The following CLEC16A variants were observed in gnomAD, a reference collection of about 807,000 sequenced individuals.
CLEC16A encodes the protein protein CLEC16A.
In CLEC16A, 51 loss-of-function variants were observed where a neutral mutation model predicts 109.5. That is an observed-to-expected ratio of 0.47 (90% confidence interval 0.37 to 0.59). The LOEUF (loss-of-function observed/expected upper bound fraction) is 0.59, where lower values mean the gene tolerates loss of function less well. Among genes scored for constraint, CLEC16A ranks in the 20% least tolerant of loss-of-function variants. CLEC16A has a pLI of 0.00. For missense variants in CLEC16A, 1,339 were observed against 1,394.0 expected (o/e 0.96, Z 0.63); for synonymous variants, 673 against 564.2 (o/e 1.19, Z -2.73).
chr16:11,122,754 G>A (rs1003188417), intron 20 of CLEC16A, among the ~76,000 whole-genome samples: 1 of 152,040 alleles, frequency 6.6e-6, no homozygotes, highest in African/African-American at 2.4e-5. Context: ...AACCTTCATG[G>A]GAGTAGATTG....
intron 19 of CLEC16A, among the ~76,000 whole-genome samples, chr16:11,081,203 G>C (rs989298752): frequency 1.3e-5 from 2 of 152,224 alleles, no homozygotes; most frequent in African/African-American, 4.8e-5. Context: ...GTGCAGGGTG[G>C]AGGCATGCCC....
intron 22 of CLEC16A, among the ~76,000 whole-genome samples, chr16:11,149,579 C>T (rs370113192): frequency 5.3e-5 from 8 of 152,176 alleles, no homozygotes; most frequent in African/African-American, 1.4e-4. Flanking sequence ...ATTGCCTGAG[C>T]TCAAGAGTTC....
intron 19 of CLEC16A, among the ~76,000 whole-genome samples, chr16:11,079,038 G>A (rs1458710901): frequency 6.6e-5 from 10 of 152,164 alleles, no homozygotes; most frequent in Non-Finnish European, 1.5e-4. Flanking sequence ...AATAGGTTGG[G>A]CCTCCTGGAT....
intron 10 of CLEC16A, among the ~76,000 whole-genome samples, chr16:10,986,819 G>T (rs564325493): frequency 9.9e-5 from 15 of 150,778 alleles, no homozygotes; most frequent in African/African-American, 3.4e-4. Context: ...CCATCATTAT[G>T]CAGTTTTAGT....
At chr16:10,951,483 AGTCCTAGAAGG>A (rs145484573) in intron 1 of CLEC16A, among the ~76,000 whole-genome samples, 20,537 of 152,086 alleles carry the variant, frequency 0.14, 1,351 homozygotes, top group African/African-American at 0.15. Context: ...GCATTTCTGT[AGTCCTAGAAGG>A]GTTGTAATCA....
At position 10,944,706 on chromosome 16, in the gene CLEC16A, G is replaced by C. The variant is rs776005455; in HGVS notation, c.-12G>C. ...GAGACCGTGAGACGAGAGACGGGTC[G>C]GGGCCGCCGACATGTTTGGCCGCTC... is the stretch of plus-strand genomic sequence containing the variant. On this transcript the variant is annotated 5_prime_UTR_variant, in exon 1 of 24. Transcript: ENST00000409790. The C allele has an allele frequency of 8.1e-6, 13 of 1,600,522 alleles. No homozygotes were observed. The South Asian group carries it at 1.2e-4, about 15-fold the overall frequency.
intron 23 of CLEC16A, among the ~76,000 whole-genome samples, chr16:11,167,856 A>C (rs747146192): frequency 6.6e-6 from 1 of 152,188 alleles, no homozygotes; most frequent in Non-Finnish European, 1.5e-5. Context: ...TGTAGCTGGG[A>C]AACTCCAGCA....
intron 22 of CLEC16A, among the ~76,000 whole-genome samples, chr16:11,153,922 G>A (rs7203629): frequency 0.21 from 32,104 of 152,162 alleles, 4,063 homozygotes; most frequent in African/African-American, 0.36. Context: ...AGCCCTTCTG[G>A]TTCCTAATAA....
intron 11 of CLEC16A, among the ~76,000 whole-genome samples, chr16:11,010,613 A>C (rs1048883691): frequency 2.1e-4 from 32 of 152,302 alleles, no homozygotes; most frequent in African/African-American, 7.0e-4. Flanking sequence ...CTGAAGCATC[A>C]TGAGCATTTG....
rs2068931876 is a variant in CLEC16A at position 11,180,794 on chromosome 16, G to A, written c.*2104G>A. Reference sequence around the variant, plus strand: ...GTGGGCCACCAGCCTGCTGTCAGAAGTCTCTGGGCTCCAACTGGTCTTGTA... The same window carrying A: ...GTGGGCCACCAGCCTGCTGTCAGAAATCTCTGGGCTCCAACTGGTCTTGTA... On this transcript the variant is annotated 3_prime_UTR_variant, in exon 24 of 24. Coordinates refer to ENST00000409790, the MANE Select transcript of CLEC16A (RefSeq NM_015226.3). 1 of 152,372 alleles carries A rather than the reference G, an allele frequency of 6.6e-6. No individual in the cohort carries two copies. The highest frequency in any genetic ancestry group is 2.1e-4 in the South Asian group (1 of 4,832). 9.4% of individuals were successfully genotyped at this position (152,372 alleles called of 1,614,324 possible). A position where few individuals can be genotyped will look rare whatever the true frequency, so the allele number is the denominator to read the frequency against.
chr16:11,139,280 A>C (rs956301489), intron 22 of CLEC16A, among the ~76,000 whole-genome samples: 1 of 152,202 alleles, frequency 6.6e-6, no homozygotes, highest in African/African-American at 2.4e-5. Flanking sequence ...TGGAGACACC[A>C]GTGGGTTCTG....
At chr16:11,164,509 A>G (rs1313928024) in intron 22 of CLEC16A, among the ~76,000 whole-genome samples, 1 of 152,148 alleles carries the variant, frequency 6.6e-6, no homozygotes, top group African/African-American at 2.4e-5. Context: ...GGACTTGCCC[A>G]AGGTCCCTCA....
At chr16:11,157,872 G>A (rs1049899141) in intron 22 of CLEC16A, among the ~76,000 whole-genome samples, 4 of 152,062 alleles carry the variant, frequency 2.6e-5, no homozygotes, top group Non-Finnish European at 4.4e-5. Context: ...CCTAGCCCCC[G>A]CCTGCCCTCG....
At chr16:11,030,867 A>G (rs542988234) in intron 13 of CLEC16A, among the ~76,000 whole-genome samples, 9 of 151,822 alleles carry the variant, frequency 5.9e-5, no homozygotes, top group African/African-American at 2.2e-4. Flanking sequence ...CTGGTCTCGA[A>G]CTCCTGACCT....
intron 19 of CLEC16A, among the ~76,000 whole-genome samples, chr16:11,077,665 A>C (rs1468541879): frequency 6.6e-6 from 1 of 152,136 alleles, no homozygotes; most frequent in Non-Finnish European, 1.5e-5. Flanking sequence ...TCAAAAACAA[A>C]AAGAGCAAAA....
intron 18 of CLEC16A, among the ~76,000 whole-genome samples, chr16:11,053,308 C>T (rs2048044702): frequency 6.6e-6 from 1 of 152,132 alleles, no homozygotes; most frequent in Non-Finnish European, 1.5e-5. Flanking sequence ...TGAATTTCCT[C>T]ATTAAATTCT....
At chr16:11,039,688 A>G in intron 13 of CLEC16A, 66 bp from the exon 14 acceptor site, 7 of 1,532,368 alleles carry the variant, frequency 4.6e-6, no homozygotes, top group Non-Finnish European at 6.2e-6. Context: ...ACTCTACAGG[A>G]CCTTTCGGTA....
chr16:11,104,606 G>A (rs2051110401), intron 19 of CLEC16A, among the ~76,000 whole-genome samples: 1 of 152,188 alleles, frequency 6.6e-6, no homozygotes, highest in African/African-American at 2.4e-5. Context: ...CCATCTTCAA[G>A]AACTTCTCTC....
chr16:11,093,888 C>T (rs1228084793), intron 19 of CLEC16A, among the ~76,000 whole-genome samples: 1 of 152,122 alleles, frequency 6.6e-6, no homozygotes, highest in Non-Finnish European at 1.5e-5. Context: ...CTCTCTCATT[C>T]ACCCCAGGTG....
Sources: gnomAD v4.1 joint callset for allele counts (sites outside exome capture counted in the v4.1 genomes callset) on GRCh38, gnomAD v4.1.1 for gene constraint, MANE v1.5 for transcripts, NCBI Gene and HGNC (gene_info 2026-07-23, HGNC 2026-07-21) for gene names.